Variants in ABI1 observed in about 807,000 individuals in gnomAD.
ABI1 encodes the protein Abelson interactor 1.
ABI1 carries 14 observed loss-of-function variants against 54.6 expected under a neutral mutation model. The observed-to-expected ratio is 0.26, with a 90% CI of 0.17 to 0.40. The LOEUF is 0.40. ABI1 is among the 10% of genes least tolerant of loss of function. The pLI is 1.00. For missense variants in ABI1, 443 were observed against 598.3 expected, an observed-to-expected ratio of 0.74 and a Z score of 2.71; for synonymous variants, 194 against 209.3, an observed-to-expected ratio of 0.93 and a Z score of 0.63.
intron 1 of ABI1, among the ~76,000 whole-genome samples, chr10:26,834,869 G>A (rs1023022215): frequency 5.3e-5 from 8 of 151,876 alleles, no homozygotes; most frequent in African/African-American, 1.7e-4. Context: ...TTGGGAGGCC[G>A]AGGCGGGCAA....
At chr10:26,784,845 T>C (rs1168641407) in intron 2 of ABI1, among the ~76,000 whole-genome samples, 2 of 152,234 alleles carry the variant, frequency 1.3e-5, no homozygotes, top group Non-Finnish European at 1.5e-5. Context: ...GATAGAAGAA[T>C]AGCCCTACGC....
chr10:26,755,242 C>T (rs913740611), intron 9 of ABI1, among the ~76,000 whole-genome samples: 3 of 152,102 alleles, frequency 2.0e-5, no homozygotes, highest in Non-Finnish European at 2.9e-5. Context: ...AAATCTGCCC[C>T]AATTTCATAT....
At position 26,852,714 on chromosome 10, in the gene ABI1, T is replaced by G. The variant is rs2050495824; in HGVS notation, c.117+8033A>C. ...AGAATGTAGAAATTATTAATAAAAA[T>G]TAATGATAAAGCATTCAGGAAATGA... On this transcript the variant is annotated intron_variant, in intron 1 of 10. Transcript: ENST00000376140. Among the ~76,000 whole-genome samples, 6 of 152,186 alleles carry G rather than the reference T, an allele frequency of 3.9e-5. No homozygotes were observed. In the South Asian group the frequency reaches 1.2e-3, roughly 31 times the overall value.
intron 1 of ABI1, among the ~76,000 whole-genome samples, chr10:26,837,727 G>A (rs759637859): frequency 7.9e-5 from 12 of 151,974 alleles, no homozygotes; most frequent in Non-Finnish European, 1.0e-4. Context: ...CAATTCACAT[G>A]CCTCGGCCTC....
chr10:26,776,566 T>A (rs1294444268), intron 3 of ABI1: 1 of 150,470 alleles, frequency 6.6e-6, no homozygotes, highest in Non-Finnish European at 1.5e-5. Context: ...ATATCTCTCC[T>A]GAAAATCTGT....
At chr10:26,807,691 T>C (rs2046962297) in intron 2 of ABI1, among the ~76,000 whole-genome samples, 1 of 152,216 alleles carries the variant, frequency 6.6e-6, no homozygotes, top group Admixed American at 6.5e-5. Context: ...TTCCACTCAC[T>C]TTCCAGCTGT....
chr10:26,768,630 T>C (rs189888365), intron 6 of ABI1, among the ~76,000 whole-genome samples: 19 of 151,718 alleles, frequency 1.3e-4, no homozygotes, highest in Admixed American at 9.9e-4. Flanking sequence ...AAACAATCCA[T>C]TAATAGTACA....
intron 2 of ABI1, among the ~76,000 whole-genome samples, chr10:26,783,034 C>A (rs1842323295): frequency 6.6e-6 from 1 of 152,106 alleles, no homozygotes; most frequent in African/African-American, 2.4e-5. Context: ...TTCACAACAG[C>A]CAAAAGATGA....
intron 1 of ABI1, among the ~76,000 whole-genome samples, chr10:26,855,796 C>T (rs2050750176): frequency 6.6e-6 from 1 of 151,726 alleles, no homozygotes; most frequent in Admixed American, 6.6e-5. Context: ...TATGGTGAAA[C>T]TCCGTCTCTA....
chr10:26,799,285 C>A (rs2046389534), intron 2 of ABI1, among the ~76,000 whole-genome samples: 1 of 151,802 alleles, frequency 6.6e-6, no homozygotes, highest in Non-Finnish European at 1.5e-5. Context: ...AATATAATAT[C>A]GAGAACTATA....
rs1422983882 is a variant in ABI1, at chr10:26,759,258, G to A, written c.821-20C>T. 8.1e-6 allele frequency: 13 copies of A among 1,609,880 alleles called. No individual in the cohort carries two copies. Among genetic ancestry groups the A allele is most frequent in the Non-Finnish European group, 9.3e-6 (11 of 1,178,214 alleles). On this transcript the variant is annotated intron_variant, in intron 7 of 10. Coordinates refer to ENST00000376140, the MANE Select transcript of ABI1 (RefSeq NM_001012750.3). ...GGGCTGCTGAAAAGCATTAGTCAAA[G>A]GCAACCAACAAAGAGACTTGAGCAT...
intron 1 of ABI1, among the ~76,000 whole-genome samples, chr10:26,826,262 T>C (rs551388646): frequency 6.6e-6 from 1 of 152,352 alleles, no homozygotes; most frequent in African/African-American, 2.4e-5. Context: ...ATTAATCTCC[T>C]TATACATCAC....
At chr10:26,832,657 G>A (rs1446579760) in intron 1 of ABI1, among the ~76,000 whole-genome samples, 1 of 152,094 alleles carries the variant, frequency 6.6e-6, no homozygotes, top group Non-Finnish European at 1.5e-5. Context: ...TTAAATCTCA[G>A]GTTTTAATAC....
In ABI1 at chr10:26,755,677, G is replaced by C; in HGVS notation, c.1062C>G (p.Phe354Leu). ...TACTGTTTTCCTGCACCCTGGCCAC[G>C]AAGCCTGTGAGAGGTATCTGTGGAG... ...QLTPQIPLTGFVARVQENIAD... is the reference protein window; with the variant it reads ...QLTPQIPLTGLVARVQENIAD... Residue 354 changes from phenylalanine to leucine, a missense_variant, in exon 9 of 11, where the codon TTC (phenylalanine) becomes TTG (leucine). Phe to Leu is a conservative substitution (Grantham distance 22, BLOSUM62 0). Around this residue, in one of 2 missense-constraint regions of ABI1, gnomAD observed 394 missense variants for 484.8 expected, o/e 0.81. Transcript: ENST00000376140. 1.2e-6 allele frequency: 2 copies of C among 1,613,478 alleles called. No individual in the cohort carries two copies.
At chr10:26,773,201 G>A (rs1588830413) in intron 3 of ABI1, among the ~76,000 whole-genome samples, 1 of 86,000 alleles carries the variant, frequency 1.2e-5, no homozygotes, top group Admixed American at 1.3e-4. Flanking sequence ...GGCACTAAAT[G>A]TCTAATGCTA....
chr10:26,853,370 T>C (rs772755922), intron 1 of ABI1, among the ~76,000 whole-genome samples: 3 of 151,866 alleles, frequency 2.0e-5, no homozygotes, highest in Non-Finnish European at 4.4e-5. Context: ...TCTACAAAGT[T>C]TGTAGTTCTG....
At chr10:26,831,446 G>T (rs913844869) in intron 1 of ABI1, among the ~76,000 whole-genome samples, 1 of 152,144 alleles carries the variant, frequency 6.6e-6, no homozygotes, top group African/African-American at 2.4e-5. Context: ...GGGAGGCTGA[G>T]GCGTAAGAAT....
chr10:26,787,096 T>G (rs550371041), intron 2 of ABI1, among the ~76,000 whole-genome samples: 25 of 152,186 alleles, frequency 1.6e-4, no homozygotes, highest in Non-Finnish European at 3.2e-4. Context: ...TTCTAACACT[T>G]TAATCCTACT....
chr10:26,832,223 C>T (rs1230831849), intron 1 of ABI1, among the ~76,000 whole-genome samples: 1 of 152,114 alleles, frequency 6.6e-6, no homozygotes, highest in Non-Finnish European at 1.5e-5. Context: ...AGGGGAGGGG[C>T]AGTTACTAGA....
Sources: gnomAD v4.1 joint callset for allele counts (sites outside exome capture counted in the v4.1 genomes callset) on GRCh38, gnomAD v4.1.1 for gene constraint, gnomAD v4.1.1 regional missense constraint, MANE v1.5 for transcripts, NCBI Gene and HGNC (gene_info 2026-07-23, HGNC 2026-07-21) for gene names.